The following CDC23 variants were observed in gnomAD, a reference collection of about 807,000 sequenced individuals.
CDC23 encodes the protein cell division cycle protein 23 homolog.
Under a neutral mutation model 81.7 loss-of-function variants are expected in CDC23, and 26 were observed. The ratio of observed to expected loss-of-function variants is 0.32; its 90% confidence interval spans 0.23 to 0.44. The LOEUF (loss-of-function observed/expected upper bound fraction) is 0.44, where lower values mean the gene tolerates loss of function less well. Ranked by LOEUF, CDC23 falls within the 20% of genes least tolerant of loss-of-function variation. CDC23 has a pLI of 1.00. For missense variants in CDC23, 519 were observed against 728.0 expected (o/e 0.71, Z 3.30); for synonymous variants, 267 against 270.8 (o/e 0.99, Z 0.14).
intron 9 of CDC23, among the ~76,000 whole-genome samples, chr5:138,195,757 ACATATATTATATATGTGTATATATAC>A (rs1312673021): frequency 5.0e-5 from 6 of 119,932 alleles, no homozygotes; most frequent in East Asian, 2.1e-4. Flanking sequence ...GTATATATAT[ACATATATTATATATGTGTATATATAC>A]ATATATTTTA....
rs1561635152 is a variant in CDC23, at chr5:138,198,283, G to C, written c.931-3C>G. On this transcript the variant is annotated splice_polypyrimidine_tract_variant and splice_region_variant and intron_variant, in intron 8 of 15. Transcript: ENST00000394886. ...TAACTCAACTCCGATTTCATGCTCT[G>C]GGATAAAAGAAAAAGACAATATAAG... is the stretch of plus-strand genomic sequence containing the variant. 1.2e-6 allele frequency: 2 copies of C among 1,611,464 alleles called. No homozygotes were observed. The highest frequency in any genetic ancestry group is 1.7e-5 in the Admixed American group (1 of 59,946).
intron 9 of CDC23, among the ~76,000 whole-genome samples, chr5:138,197,162 C>T (rs1444811813): frequency 5.4e-5 from 8 of 149,400 alleles, no homozygotes; most frequent in Admixed American, 1.3e-4. Context: ...AAAAATTAGC[C>T]GGGCGTGGTG....
At chr5:138,196,216 A>T (rs2126582677) in intron 9 of CDC23, among the ~76,000 whole-genome samples, 1 of 152,228 alleles carries the variant, frequency 6.6e-6, no homozygotes, top group East Asian at 1.9e-4. Context: ...AACACAATTC[A>T]TTAAGGAGTT....
intron 9 of CDC23, among the ~76,000 whole-genome samples, chr5:138,197,966 G>T (rs1046180926): frequency 7.2e-5 from 11 of 152,038 alleles, no homozygotes; most frequent in African/African-American, 1.9e-4. Context: ...TTGTTTGTTT[G>T]TTTGTTTAAG....
intron 9 of CDC23, among the ~76,000 whole-genome samples, chr5:138,195,736 ATAAT>A (rs1317412214): frequency 8.4e-6 from 1 of 119,016 alleles, no homozygotes; most frequent in Non-Finnish European, 1.7e-5. Context: ...ATATATACAT[ATAAT>A]ATATATGTAT....
chr5:138,195,598 T>TA (rs1754882704), intron 9 of CDC23, among the ~76,000 whole-genome samples: 1 of 77,542 alleles, frequency 1.3e-5, no homozygotes, highest in Non-Finnish European at 2.7e-5. Context: ...ATAATATATA[T>TA]TATATATGAT....
intron 4 of CDC23, among the ~76,000 whole-genome samples, 196 bp from the exon 5 acceptor site, chr5:138,201,644 G>GT (rs1754990987): frequency 2.0e-5 from 3 of 152,104 alleles, no homozygotes; most frequent in Non-Finnish European, 4.4e-5. Context: ...ACTGTACCCA[G>GT]CTCATTTTCA....
rs369841302 is a variant in CDC23, at chr5:138,197,291, G to A, written c.1012+908C>T. 1.1e-3 allele frequency among the ~76,000 whole-genome samples: 137 copies of A among 120,924 alleles called. 2 individuals are homozygous for A. In the South Asian group the frequency reaches 0.014, roughly 12 times the overall value. The allele number at this position is 120,924 out of a possible 152,430, so 79.3% of individuals were successfully genotyped here. A position where few individuals can be genotyped will look rare whatever the true frequency, so the allele number is the denominator to read the frequency against. On this transcript the variant is annotated intron_variant, in intron 9 of 15. Transcript: ENST00000394886. ...TGCACTCCAGCCTGGACGACAGAGC[G>A]AGACTCTGTCACCAAAAAAAAAAAA... is the stretch of plus-strand genomic sequence containing the variant.
chr5:138,204,689 G>A (rs906233707), intron 3 of CDC23, among the ~76,000 whole-genome samples: 6 of 149,082 alleles, frequency 4.0e-5, no homozygotes, highest in African/African-American at 1.5e-4. Context: ...GTATGATCTC[G>A]GCTCACTGCA....
At chr5:138,195,846 T>C (rs1327973965) in intron 9 of CDC23, among the ~76,000 whole-genome samples, 1 of 134,514 alleles carries the variant, frequency 7.4e-6, no homozygotes, top group South Asian at 2.2e-4. Context: ...CATATATATA[T>C]AAAATAAAAT....
chr5:138,211,187 A>G (rs1249227215), intron 2 of CDC23, among the ~76,000 whole-genome samples: 1 of 152,236 alleles, frequency 6.6e-6, no homozygotes, highest in Non-Finnish European at 1.5e-5. Context: ...ACAGCCATAA[A>G]AAAGAACAAA....
intron 15 of CDC23, 111 bp downstream of exon 15, chr5:138,189,522 G>A: frequency 9.8e-7 from 1 of 1,019,140 alleles, no homozygotes; most frequent in South Asian, 1.6e-5. Flanking sequence ...GCCTCCCAAA[G>A]TGTTGGGATT....
intron 9 of CDC23, among the ~76,000 whole-genome samples, chr5:138,195,803 A>G (rs367727001): frequency 8.6e-5 from 11 of 127,834 alleles, no homozygotes; most frequent in South Asian, 6.8e-4. Flanking sequence ...ATATATGTGT[A>G]TATATATACA....
At chr5:138,194,537 G>C (rs749429136) in intron 9 of CDC23, among the ~76,000 whole-genome samples, 7 of 152,152 alleles carry the variant, frequency 4.6e-5, no homozygotes, top group Middle Eastern at 3.2e-3. Context: ...GTTGCTGGGG[G>C]ATGGGAATGG....
At chr5:138,204,666 C>T (rs1474730628) in intron 3 of CDC23, among the ~76,000 whole-genome samples, 2 of 151,110 alleles carry the variant, frequency 1.3e-5, no homozygotes, top group Non-Finnish European at 2.9e-5. Context: ...GCCGCCCAGG[C>T]TGGAGTATAG....
At position 138,201,100 on chromosome 5, in the gene CDC23, A is replaced by G. The variant is rs770007142; in HGVS notation, c.654+7T>C. The G allele has an allele frequency of 9.5e-5, 154 of 1,613,192 alleles. 3 individuals are homozygous for G. Among genetic ancestry groups the G allele is most frequent in the Non-Finnish European group, 3.4e-6 (4 of 1,179,868 alleles). On this transcript the variant is annotated splice_region_variant and intron_variant, in intron 6 of 15. Coordinates refer to ENST00000394886, the MANE Select transcript of CDC23 (RefSeq NM_004661.4). Reference sequence around the variant, plus strand: ...GAGGGTTTTTCACATAGCTCATCACAATTTACCATCTCTTTGTCTGTGATC... The same window carrying G: ...GAGGGTTTTTCACATAGCTCATCACGATTTACCATCTCTTTGTCTGTGATC...
Position 138,195,724 on chromosome 5 carries a change from A to ATATATATACATATAATATATATGTG in CDC23, c.1012+2474_1012+2475insCACATATATATTATATGTATATATA, listed in dbSNP as rs1561634121. 1.8e-4 allele frequency among the ~76,000 whole-genome samples: 10 copies of ATATATATACATATAATATATATGTG among 56,820 alleles called. No homozygotes were observed. In the South Asian group the frequency reaches 2.3e-3, roughly 13 times the overall value. The allele number at this position is 56,820 out of a possible 152,430, so 37.3% of individuals were successfully genotyped here. ...GCATATATACATATAATATATATGT[A>ATATATATACATATAATATATATGTG]TATATATACATATAATATATATGTA... is the stretch of plus-strand genomic sequence containing the variant. On this transcript the variant is annotated intron_variant, in intron 9 of 15. Transcript: ENST00000394886.
In CDC23 at chr5:138,202,112, C is replaced by T. The variant is rs1254448468; in HGVS notation, c.415+1G>A. On this transcript the variant is annotated splice_donor_variant, in intron 4 of 15. Transcript: ENST00000394886. LOFTEE classifies it high-confidence loss of function. ...AAAAGGTAAAAGAAAAAAATTCGTACCTAAGCTATCAACTGTTTCATCGTC... is the reference window on the plus strand; with the variant it reads ...AAAAGGTAAAAGAAAAAAATTCGTATCTAAGCTATCAACTGTTTCATCGTC... The T allele has an allele frequency of 5.0e-6, 8 of 1,609,472 alleles. No individual in the cohort carries two copies. Among genetic ancestry groups the T allele is most frequent in the Admixed American group, 1.7e-5 (1 of 59,230 alleles).
chr5:138,194,283 C>A (rs1196673256), intron 9 of CDC23, among the ~76,000 whole-genome samples: 1 of 151,984 alleles, frequency 6.6e-6, no homozygotes, highest in Non-Finnish European at 1.5e-5. Context: ...GACCCTGTCT[C>A]TAAAAATAAA....
Sources: gnomAD v4.1 joint callset for allele counts (sites outside exome capture counted in the v4.1 genomes callset) on GRCh38, gnomAD v4.1.1 for gene constraint, MANE v1.5 for transcripts, NCBI Gene and HGNC (gene_info 2026-07-23, HGNC 2026-07-21) for gene names.